The following SFSWAP variants were observed in gnomAD, a reference collection of about 807,000 sequenced individuals.
The protein encoded by SFSWAP is splicing factor, suppressor of white-apricot homolog.
In SFSWAP, 17 loss-of-function variants were observed where a neutral mutation model predicts 100.7. The ratio of observed to expected loss-of-function variants is 0.17; its 90% CI spans 0.12 to 0.25. SFSWAP has a LOEUF of 0.25. Among genes scored for constraint, SFSWAP ranks in the 10% least tolerant of loss-of-function variants. SFSWAP has a pLI of 1.00. For missense variants in SFSWAP, 1,005 were observed against 1,262.6 expected (o/e 0.80, Z 3.09); for synonymous variants, 504 against 510.1 (o/e 0.99, Z 0.16).
intron 13 of SFSWAP, among the ~76,000 whole-genome samples, chr12:131,769,458 C>G (rs189056988): frequency 8.7e-4 from 132 of 152,270 alleles, no homozygotes; most frequent in African/African-American, 3.0e-3. Flanking sequence ...TGTATGTCGT[C>G]ATAAAATTTC....
At chr12:131,735,130 T>G (rs1879882207) in intron 7 of SFSWAP, among the ~76,000 whole-genome samples, 2 of 152,084 alleles carry the variant, frequency 1.3e-5, no homozygotes, top group Non-Finnish European at 2.9e-5. Context: ...AGTATCTGGG[T>G]CTGGGGGACA....
At chr12:131,752,966 A>C (rs949074445) in intron 7 of SFSWAP, among the ~76,000 whole-genome samples, 157 bp from the exon 8 acceptor site, 3 of 152,154 alleles carry the variant, frequency 2.0e-5, no homozygotes, top group Non-Finnish European at 4.4e-5. Flanking sequence ...TGTGCAGACA[A>C]CTTTTTGTAT....
chr12:131,799,015 G>GCTCT lies in SFSWAP; in HGVS notation c.2718-11_2718-8dup, dbSNP rs147985401. ...GCATCTTCACACGGTTGTAAGCTCT[G>GCTCT]CTCTCTCTCTCTCTGCATTAGGGGA... is the stretch of plus-strand genomic sequence containing the variant. On this transcript the variant is annotated intron_variant, in intron 16 of 17. Coordinates refer to ENST00000261674, the MANE Select transcript of SFSWAP (RefSeq NM_004592.4). 6.0e-6 allele frequency: 9 copies of GCTCT among 1,494,574 alleles called. No individual in the cohort carries two copies. In the African/African-American group the frequency reaches 9.7e-5, roughly 16 times the overall value. 92.6% of individuals were successfully genotyped at this position (1,494,574 alleles called of 1,614,324 possible).
chr12:131,733,199 G>T lies in SFSWAP; in HGVS notation c.1081+4771G>T, dbSNP rs372743361. On this transcript the variant is annotated intron_variant, in intron 7 of 17. Coordinates refer to ENST00000261674, the MANE Select transcript of SFSWAP (RefSeq NM_004592.4). The surrounding 1 kb of genome is among the most constrained non-coding windows in gnomAD (Gnocchi z 5.1). ...ATGAGAGCGGGCGGGGGATGGCGCGGTCTCCCTGGTACTTACTGGGCAGGT... is the reference window on the plus strand; with the variant it reads ...ATGAGAGCGGGCGGGGGATGGCGCGTTCTCCCTGGTACTTACTGGGCAGGT... Among the ~76,000 whole-genome samples, 17 of 152,238 alleles carry T rather than the reference G, an allele frequency of 1.1e-4. No individual in the cohort carries two copies. The East Asian group carries it at 1.5e-3, about 14-fold the overall frequency.
rs577412614 is a variant in SFSWAP, at chr12:131,733,640, G to A, written c.1081+5212G>A. Among the ~76,000 whole-genome samples the A allele has an allele frequency of 1.2e-4, 18 of 152,104 alleles. No homozygotes were observed. Among genetic ancestry groups the A allele is most frequent in the African/African-American group, 4.3e-4 (18 of 41,502 alleles). On this transcript the variant is annotated intron_variant, in intron 7 of 17. Transcript: ENST00000261674. The surrounding 1 kb of genome is among the most constrained non-coding windows in gnomAD (Gnocchi z 5.1). ...TGCAGCCGTATTCCTGGAGAGAGAAGGAGGCCTGTCACAGCATCTGTGACA... is the reference window on the plus strand; with the variant it reads ...TGCAGCCGTATTCCTGGAGAGAGAAAGAGGCCTGTCACAGCATCTGTGACA...
At position 131,711,647 on chromosome 12, in the gene SFSWAP, G is replaced by C. The variant is rs1877357749; in HGVS notation, c.218+200G>C. The C allele has an allele frequency of 6.9e-6, 4 of 576,122 alleles. No homozygotes were observed. The highest frequency in any genetic ancestry group is 1.9e-5 in the African/African-American group (1 of 53,212). The allele number at this position is 576,122 out of a possible 1,614,324, so 35.7% of individuals were successfully genotyped here. A position where few individuals can be genotyped will look rare whatever the true frequency, so the allele number is the denominator to read the frequency against. On this transcript the variant is annotated intron_variant, in intron 1 of 17. Coordinates refer to ENST00000261674, the MANE Select transcript of SFSWAP (RefSeq NM_004592.4). The surrounding 1 kb of genome is among the most constrained non-coding windows in gnomAD (Gnocchi z 4.9). Reference sequence around the variant, plus strand: ...GAAACCTGCCCTAAGGCACTGGCTGGAATTGCGTGCCGCGTCCGTCTCCGG... The same window carrying C: ...GAAACCTGCCCTAAGGCACTGGCTGCAATTGCGTGCCGCGTCCGTCTCCGG...
At chr12:131,766,495 C>T (rs1015989394) in intron 13 of SFSWAP, among the ~76,000 whole-genome samples, 187 bp downstream of exon 13, 1 of 152,178 alleles carries the variant, frequency 6.6e-6, no homozygotes, top group African/African-American at 2.4e-5. Context: ...CCAGCAGTCT[C>T]CCCCGTCAGT....
intron 14 of SFSWAP, among the ~76,000 whole-genome samples, chr12:131,780,960 G>C (rs982232899): frequency 6.6e-6 from 1 of 152,060 alleles, no homozygotes; most frequent in African/African-American, 2.4e-5. Flanking sequence ...TGATATTTCC[G>C]GGTATCCTAC....
intron 13 of SFSWAP, 67 bp downstream of exon 13, chr12:131,766,375 T>C (rs1055919158): frequency 4.6e-5 from 65 of 1,426,526 alleles, no homozygotes; most frequent in Admixed American, 3.5e-4. Flanking sequence ...AGGATGTGTC[T>C]CCCTCCAGCT....
At chr12:131,724,675 T>C (rs986003699) in intron 4 of SFSWAP, among the ~76,000 whole-genome samples, 1 of 152,284 alleles carries the variant, frequency 6.6e-6, no homozygotes, top group African/African-American at 2.4e-5. Context: ...GGGCAGGAAA[T>C]GCTAAGAGCA....
rs190463272 is a variant in SFSWAP at position 131,719,843 on chromosome 12, G to A, written c.606+304G>A. On this transcript the variant is annotated intron_variant, in intron 4 of 17. Transcript: ENST00000261674. ...GAAAAACTAAATCAGGATCAGTGGC[G>A]AGTGGGCTGCTCCCCACACATAGAT... 2.5e-3 allele frequency among the ~76,000 whole-genome samples: 387 copies of A among 152,276 alleles called. 5 individuals are homozygous for A. Among genetic ancestry groups the A allele is most frequent in the Admixed American group, 0.022 (341 of 15,294 alleles).
At chr12:131,741,128 C>G (rs563487985) in intron 7 of SFSWAP, among the ~76,000 whole-genome samples, 2 of 151,632 alleles carry the variant, frequency 1.3e-5, no homozygotes, top group African/African-American at 4.8e-5. Context: ...TCCGACACCA[C>G]GCTTGGCTAA....
At chr12:131,772,209 C>T (rs1389367693) in intron 13 of SFSWAP, among the ~76,000 whole-genome samples, 3 of 152,214 alleles carry the variant, frequency 2.0e-5, no homozygotes, top group Non-Finnish European at 1.5e-5. Flanking sequence ...TACATCTTTT[C>T]CCCAGTGACT....
chr12:131,717,196 T>C (rs1878005883), intron 3 of SFSWAP, among the ~76,000 whole-genome samples: 1 of 152,224 alleles, frequency 6.6e-6, no homozygotes, highest in South Asian at 2.1e-4. Flanking sequence ...AAATTTTTTT[T>C]CCTGAGCCAT....
In SFSWAP at chr12:131,711,331, G is replaced by A. The variant is rs146473612; in HGVS notation, c.102G>A (p.Glu34=). 335 of 1,613,792 alleles carry A rather than the reference G, an allele frequency of 2.1e-4. No homozygotes were observed. Among genetic ancestry groups the A allele is most frequent in the Non-Finnish European group, 2.7e-4 (324 of 1,179,988 alleles). Residue 34 remains glutamate (E), a synonymous_variant, in exon 1 of 18, where the codon GAG becomes GAA. Coordinates refer to ENST00000261674, the MANE Select transcript of SFSWAP (RefSeq NM_004592.4). This position sits in a 1 kb window ranked among gnomAD's most constrained non-coding sequence, Gnocchi z 4.9. ...CCGGCGGTGGGGGCAGCCGAGTGGA[G>A]CTCTTGGTTTTCGGCTATGCCTGCA... ...GGAGGGGSRV[E]LLVFGYACKL... is the part of the protein sequence containing the mutation.
intron 7 of SFSWAP, among the ~76,000 whole-genome samples, chr12:131,731,624 A>C (rs904423434): frequency 6.6e-5 from 10 of 152,204 alleles, no homozygotes; most frequent in Admixed American, 3.9e-4. Flanking sequence ...ATTTATTTAC[A>C]AATACAGTTC....
chr12:131,796,181 AAAG>A (rs1386040482), intron 15 of SFSWAP: 3 of 152,486 alleles, frequency 2.0e-5, no homozygotes, highest in Non-Finnish European at 4.4e-5. Context: ...ACGAATTCTG[AAAG>A]AAGATGCCAG....
At chr12:131,728,472 G>A (rs1879201556) in intron 7 of SFSWAP, 44 bp downstream of exon 7, 3 of 1,592,776 alleles carry the variant, frequency 1.9e-6, no homozygotes, top group African/African-American at 1.3e-5. Context: ...TCAGCTGCCT[G>A]TGACAGAGCC....
chr12:131,792,546 G>A (rs12300021), intron 15 of SFSWAP, among the ~76,000 whole-genome samples: 9,276 of 105,800 alleles, frequency 0.088, 1,759 homozygotes, highest in Non-Finnish European at 0.17. Context: ...CTGTGTGTGC[G>A]CCCGTGTGTG....
Sources: gnomAD v4.1 joint callset for allele counts (sites outside exome capture counted in the v4.1 genomes callset) on GRCh38, gnomAD v4.1.1 for gene constraint, Gnocchi (gnomAD v3.1) non-coding constraint, MANE v1.5 for transcripts, NCBI Gene and HGNC (gene_info 2026-07-23, HGNC 2026-07-21) for gene names.